Variants in PTPRT observed in about 807,000 individuals in gnomAD.
The protein encoded by PTPRT is receptor-type tyrosine-protein phosphatase T.
In PTPRT, 56 loss-of-function variants were observed where a neutral mutation model predicts 176.8. The observed-to-expected ratio is 0.32, with a 90% confidence interval of 0.26 to 0.40. The LOEUF (loss-of-function observed/expected upper bound fraction) is 0.40, where lower values mean the gene tolerates loss of function less well. Ranked by LOEUF, PTPRT falls within the 10% of genes least tolerant of loss-of-function variation. PTPRT has a pLI of 1.00. For missense variants in PTPRT, 1,540 were observed against 1,908.2 expected, an observed-to-expected ratio of 0.81 and a Z score of 3.60; for synonymous variants, 783 against 739.0, an observed-to-expected ratio of 1.06 and a Z score of -0.96.
intron 6 of PTPRT, among the ~76,000 whole-genome samples, chr20:42,693,423 AAGTT>A (rs2075821876): frequency 6.6e-6 from 1 of 152,224 alleles, no homozygotes; most frequent in Non-Finnish European, 1.5e-5. Flanking sequence ...AAGGAAAAGA[AAGTT>A]AGAGAGCTTA....
intron 1 of PTPRT, among the ~76,000 whole-genome samples, chr20:43,062,313 G>T (rs1295786491): frequency 6.6e-6 from 1 of 152,200 alleles, no homozygotes; most frequent in African/African-American, 2.4e-5. Flanking sequence ...ATCTCGCTTT[G>T]TCTTTTCCTG....
chr20:42,399,374 T>C (rs2058883268), intron 9 of PTPRT, among the ~76,000 whole-genome samples: 1 of 152,222 alleles, frequency 6.6e-6, no homozygotes. Context: ...TATGTAACCA[T>C]AGCTTTAAGC....
chr20:42,473,940 C>T (rs1392752203), intron 7 of PTPRT, among the ~76,000 whole-genome samples: 1 of 152,146 alleles, frequency 6.6e-6, no homozygotes, highest in Non-Finnish European at 1.5e-5. Flanking sequence ...TATGTATCCT[C>T]TTTGGATCCA....
intron 13 of PTPRT, among the ~76,000 whole-genome samples, chr20:42,271,763 G>C (rs965113213): frequency 2.6e-5 from 4 of 152,130 alleles, no homozygotes; most frequent in African/African-American, 9.7e-5. Context: ...ACATACAAAA[G>C]GTTGAAAGGT....
chr20:42,175,482 C>T (rs576693696), intron 16 of PTPRT, among the ~76,000 whole-genome samples: 48 of 152,270 alleles, frequency 3.2e-4, no homozygotes, highest in Admixed American at 3.1e-3. Flanking sequence ...AATAAACAAA[C>T]CCATCTGTGG....
chr20:42,483,465 T>C (rs2071419490), intron 7 of PTPRT, among the ~76,000 whole-genome samples: 1 of 152,182 alleles, frequency 6.6e-6, no homozygotes, highest in African/African-American at 2.4e-5. Flanking sequence ...GTGTCCAGCC[T>C]CCACTCGTTC....
chr20:43,132,217 A>C (rs1025395384), intron 1 of PTPRT, among the ~76,000 whole-genome samples: 3 of 152,230 alleles, frequency 2.0e-5, no homozygotes, highest in Non-Finnish European at 4.4e-5. Context: ...TAGTAAAACT[A>C]TCTTTACATG....
chr20:42,867,417 T>A (rs940110146), intron 2 of PTPRT, among the ~76,000 whole-genome samples: 4 of 128,564 alleles, frequency 3.1e-5, no homozygotes, highest in African/African-American at 6.2e-5. Context: ...TTTTTTTTTT[T>A]ACTCACTTAG....
chr20:42,542,895 T>C lies in PTPRT; in HGVS notation c.1154-70333A>G, dbSNP rs148569723. Among the ~76,000 whole-genome samples the C allele has an allele frequency of 3.9e-5, 6 of 152,364 alleles. No individual in the cohort carries two copies. The East Asian group carries it at 1.2e-3, about 29-fold the overall frequency. On this transcript the variant is annotated intron_variant, in intron 7 of 30. Transcript: ENST00000373187. ...CTGAACAAGAGGTCTATAAAAGTTA[T>C]GTGTACACTATAGTCTATTAAGTGT... is the stretch of plus-strand genomic sequence containing the variant.
intron 1 of PTPRT, among the ~76,000 whole-genome samples, chr20:43,101,351 T>G (rs1284337055): frequency 1.3e-5 from 2 of 152,100 alleles, no homozygotes; most frequent in Non-Finnish European, 2.9e-5. Context: ...AGCATAGTAT[T>G]ATGGGCAGGA....
chr20:42,991,372 G>A (rs908601433), intron 1 of PTPRT, among the ~76,000 whole-genome samples: 8 of 151,920 alleles, frequency 5.3e-5, no homozygotes, highest in African/African-American at 1.9e-4. Context: ...GCTGTTGTGG[G>A]GCAAAAGCAG....
At chr20:42,573,946 C>T (rs2145698393) in intron 7 of PTPRT, among the ~76,000 whole-genome samples, 1 of 152,108 alleles carries the variant, frequency 6.6e-6, no homozygotes, top group East Asian at 1.9e-4. Context: ...GACGGGGTTT[C>T]ACCATCTTGG....
intron 1 of PTPRT, among the ~76,000 whole-genome samples, chr20:43,119,786 C>A (rs2013190022): frequency 6.6e-6 from 1 of 152,174 alleles, no homozygotes; most frequent in African/African-American, 2.4e-5. Context: ...TTTTACATAG[C>A]CCTGAGAGGT....
At chr20:42,521,220 T>C (rs372879413) in intron 7 of PTPRT, among the ~76,000 whole-genome samples, 49 of 152,256 alleles carry the variant, frequency 3.2e-4, no homozygotes, top group Middle Eastern at 3.4e-3. Flanking sequence ...CCATTTCATA[T>C]GAGTTCAAGA....
intron 27 of PTPRT, among the ~76,000 whole-genome samples, chr20:42,088,673 T>C (rs1373777545): frequency 2.6e-5 from 4 of 152,232 alleles, no homozygotes; most frequent in Admixed American, 2.0e-4. Context: ...CACTTATTCA[T>C]TTATGTATTG....
chr20:42,594,872 G>A (rs6093684), intron 7 of PTPRT, among the ~76,000 whole-genome samples: 7,648 of 152,240 alleles, frequency 0.05, 692 homozygotes, highest in African/African-American at 0.17. Context: ...CAAAGCTGAC[G>A]TCAGTGGTAC....
chr20:42,435,099 G>A (rs2145814358), intron 9 of PTPRT, among the ~76,000 whole-genome samples: 2 of 152,240 alleles, frequency 1.3e-5, no homozygotes, highest in South Asian at 4.1e-4. Context: ...ACTAGGTAAG[G>A]TACTGAGTTC....
intron 26 of PTPRT, among the ~76,000 whole-genome samples, chr20:42,099,852 C>G (rs1269767321): frequency 6.6e-6 from 1 of 151,972 alleles, no homozygotes; most frequent in Admixed American, 6.6e-5. Context: ...TTTTCCTGGC[C>G]AGTAGAATGT....
At chr20:42,236,507 G>C (rs538007935) in intron 14 of PTPRT, among the ~76,000 whole-genome samples, 2 of 152,168 alleles carry the variant, frequency 1.3e-5, no homozygotes, top group African/African-American at 2.4e-5. Flanking sequence ...GTCTCACATA[G>C]AGTAAGCCAT....
Sources: gnomAD v4.1 joint callset for allele counts (sites outside exome capture counted in the v4.1 genomes callset) on GRCh38, gnomAD v4.1.1 for gene constraint, MANE v1.5 for transcripts, NCBI Gene and HGNC (gene_info 2026-07-23, HGNC 2026-07-21) for gene names.